Variants in RPL31 observed in about 807,000 individuals in gnomAD.
RPL31 encodes large ribosomal subunit protein eL31.
For synonymous variants in RPL31, 51 were observed against 55.0 expected (o/e 0.93, Z 0.32); for missense variants, 95 against 164.0 (o/e 0.58, Z 2.30).
chr2:101,004,113 T>C, intron 2 of RPL31, 45 bp from the exon 3 acceptor site: 2 of 1,595,464 alleles, frequency 1.3e-6, no homozygotes, highest in Non-Finnish European at 1.7e-6. Context: ...GTACCTAATT[T>C]AGTTTTGTGC....
At chr2:101,010,762 A>G (rs1034446273), downstream of RPL31, among the ~76,000 whole-genome samples, 3 of 152,068 alleles carry the variant, frequency 2.0e-5, no homozygotes, top group African/African-American at 7.2e-5. Flanking sequence ...CACGCCTGTA[A>G]TCCCAGCTAC....
At position 101,006,017 on chromosome 2, in the gene RPL31, T is replaced by G. The variant is rs1174164850; in HGVS notation, c.292T>G (p.Ser98Ala). The change falls in exon 4 of 5, where the codon TCA becomes GCA. Residue 98 changes from serine (S) to alanine (A), a missense_variant. Ser to Ala is a moderately conservative substitution (Grantham distance 99, BLOSUM62 1). Coordinates refer to ENST00000264258, the MANE Select transcript of RPL31 (RefSeq NM_000993.5). ...LSRKRNEDED[S>A]PNKLYTLVTY... ...CAGAAAACGTAATGAGGATGAAGAT[T>G]CACCAAATAAGCTATATACTTTGGT... 6.2e-7 allele frequency: 1 copy of G among 1,614,020 alleles called. No individual in the cohort carries two copies. The highest frequency in any genetic ancestry group is 8.5e-7 in the Non-Finnish European group (1 of 1,180,028).
intron 4 of RPL31, among the ~76,000 whole-genome samples, chr2:101,013,837 C>T (rs1679416466): frequency 6.6e-6 from 1 of 152,228 alleles, no homozygotes. Context: ...TTACAGTAAT[C>T]ATCAAAATAA....
In RPL31 at chr2:101,006,943, A is replaced by C; in HGVS notation, c.*562A>C. 1 of 152,306 alleles carries C rather than the reference A, an allele frequency of 6.6e-6. No individual in the cohort carries two copies. Among genetic ancestry groups the C allele is most frequent in the East Asian group, 1.9e-4 (1 of 5,206 alleles). The allele number at this position is 152,306 out of a possible 1,614,324, so 9.4% of individuals were successfully genotyped here. A position where few individuals can be genotyped will look rare whatever the true frequency, so the allele number is the denominator to read the frequency against. ...CTGGAGTCAAGGTTCAGAAGTAAAA[A>C]GTTCCTTAAGGTATCAATAACAAAA... On this transcript the variant is annotated 3_prime_UTR_variant, in exon 5 of 5. Coordinates refer to ENST00000264258, the MANE Select transcript of RPL31 (RefSeq NM_000993.5).
intron 3 of RPL31, chr2:101,004,522 CAG>C (rs1678646944): frequency 8.3e-6 from 4 of 480,334 alleles, no homozygotes; most frequent in South Asian, 8.7e-5. Context: ...AAGAGCATTG[CAG>C]AGAGAGGAAG....
Position 101,004,135 on chromosome 2 carries a change from GTTCAC to G in RPL31, c.108-20_108-16del, listed in dbSNP as rs1215174138. ...ATTTAGTTTTGTGCTCCTTTAATTTGTTCACTTATGTTTGAATCGTAGGGGCTTCA... is the reference window on the plus strand; with the variant it reads ...ATTTAGTTTTGTGCTCCTTTAATTTGTTATGTTTGAATCGTAGGGGCTTCA... On this transcript the variant is annotated intron_variant, in intron 2 of 4. Transcript: ENST00000264258. 1.2e-6 allele frequency: 2 copies of G among 1,609,386 alleles called. No homozygotes were observed. Among genetic ancestry groups the G allele is most frequent in the Admixed American group, 3.4e-5 (2 of 58,928 alleles).
intron 2 of RPL31, among the ~76,000 whole-genome samples, chr2:101,003,876 T>G (rs559486388): frequency 2.0e-5 from 3 of 152,220 alleles, no homozygotes; most frequent in African/African-American, 7.2e-5. Flanking sequence ...CTAAGTGTTA[T>G]GCTAATTGCT....
intron 4 of RPL31, among the ~76,000 whole-genome samples, chr2:101,012,767 C>G (rs1271642440): frequency 1.3e-5 from 2 of 152,196 alleles, no homozygotes; most frequent in African/African-American, 4.8e-5. Flanking sequence ...AAGTTTGGAA[C>G]TTATTCGTAA....
chr2:101,007,752 A>AC (rs1678837059), downstream of RPL31: 1 of 1,498,816 alleles, frequency 6.7e-7, no homozygotes, highest in Non-Finnish European at 9.1e-7. Context: ...TTTAGGGCTG[A>AC]CCCCAAGAAA....
intron 4 of RPL31, chr2:101,018,025 AC>A: frequency 8.0e-7 from 1 of 1,244,218 alleles, no homozygotes; most frequent in Non-Finnish European, 1.1e-6. Context: ...TGCTCATTCT[AC>A]ATATCAACCC....
At chr2:101,007,767 C>G (rs1018075069), downstream of RPL31, 29 of 1,551,320 alleles carry the variant, frequency 1.9e-5, no homozygotes, top group African/African-American at 2.7e-5. Context: ...AAGAAACAGT[C>G]TGGTTCGTGC....
chr2:101,014,517 C>A (rs911411251), intron 4 of RPL31, among the ~76,000 whole-genome samples: 3 of 152,212 alleles, frequency 2.0e-5, no homozygotes, highest in African/African-American at 7.2e-5. Context: ...TCTCCTCCAG[C>A]TAAATCTTTA....
chr2:101,006,067 C>G lies in RPL31; in HGVS notation c.342C>G (p.Phe114Leu), dbSNP rs779142001. 1.9e-6 allele frequency: 3 copies of G among 1,612,854 alleles called. No homozygotes were observed. Among genetic ancestry groups the G allele is most frequent in the East Asian group, 4.5e-5 (2 of 44,868 alleles). ...TLVTYVPVTT[F>L]KNLQTVNVDE... The stretch of plus-strand genomic sequence containing the variant: ...TTACCTATGTACCTGTTACCACTTT[C>G]AAAAGTAAGTTCTCCATCCCATAAA... Residue 114 changes from phenylalanine (F) to leucine (L), a missense_variant, in exon 4 of 5, where the codon TTC becomes TTG. Phe to Leu is a conservative substitution (Grantham distance 22). Coordinates refer to ENST00000264258, the MANE Select transcript of RPL31 (RefSeq NM_000993.5).
chr2:101,015,086 C>T (rs1257516498), intron 4 of RPL31, among the ~76,000 whole-genome samples: 1 of 152,172 alleles, frequency 6.6e-6, no homozygotes, highest in Non-Finnish European at 1.5e-5. Context: ...ATGCTGTAGC[C>T]TACTACACAC....
intron 4 of RPL31, chr2:101,018,033 A>T (rs1679782001): frequency 2.6e-6 from 3 of 1,167,766 alleles, no homozygotes; most frequent in Non-Finnish European, 3.6e-6. Flanking sequence ...CTACATATCA[A>T]CCCCTTTTTC....
At chr2:101,005,638 C>T (rs932287606) in intron 3 of RPL31, 14 of 286,104 alleles carry the variant, frequency 4.9e-5, no homozygotes, top group African/African-American at 2.0e-4. Context: ...AGAAAAATCA[C>T]GTAACAAAGT....
At chr2:101,007,863 C>CATT (rs766271741), downstream of RPL31, 1 of 1,612,108 alleles carries the variant, frequency 6.2e-7, no homozygotes, top group Non-Finnish European at 8.5e-7. Context: ...ATTGGTGGCT[C>CATT]ATTTCAAAAG....
chr2:101,012,925 A>T (rs1679338294), intron 4 of RPL31, among the ~76,000 whole-genome samples: 1 of 152,198 alleles, frequency 6.6e-6, no homozygotes, highest in Non-Finnish European at 1.5e-5. Context: ...GTAAGAATCC[A>T]CTCAAACTGA....
intron 4 of RPL31, among the ~76,000 whole-genome samples, chr2:101,015,286 G>A (rs1679541032): frequency 6.6e-6 from 1 of 152,174 alleles, no homozygotes; most frequent in South Asian, 2.1e-4. Context: ...ACTATGAATG[G>A]AGGTTGCAGG....
Sources: gnomAD v4.1 joint callset for allele counts (sites outside exome capture counted in the v4.1 genomes callset) on GRCh38, gnomAD v4.1.1 for gene constraint, MANE v1.5 for transcripts, NCBI Gene and HGNC (gene_info 2026-07-23, HGNC 2026-07-21) for gene names.